The following QSOX2 variants were observed in gnomAD, a reference collection of about 807,000 sequenced individuals.
The protein encoded by QSOX2 is quiescin sulfhydryl oxidase 2, also known as sulfhydryl oxidase 2.
QSOX2 carries 46 observed loss-of-function variants against 61.7 expected under a neutral mutation model. The ratio of observed to expected loss-of-function variants is 0.75; its 90% CI spans 0.59 to 0.95. QSOX2 has a LOEUF of 0.95. Ranked by LOEUF, QSOX2 falls within the 40% of genes least tolerant of loss-of-function variation. The pLI is 0.00. For missense variants in QSOX2, 879 were observed against 918.9 expected (o/e 0.96, Z 0.56); for synonymous variants, 383 against 388.4 (o/e 0.99, Z 0.16).
intron 1 of QSOX2, among the ~76,000 whole-genome samples, chr9:136,232,557 A>G (rs1426232243): frequency 6.6e-6 from 1 of 152,160 alleles, no homozygotes. Context: ...AAAAAGTTAC[A>G]ATGCATCAAA....
intron 11 of QSOX2, chr9:136,210,195 C>T: frequency 2.0e-6 from 2 of 985,498 alleles, no homozygotes; most frequent in Middle Eastern, 5.2e-4. Flanking sequence ...TCATGTAGGA[C>T]TGTCAAATAA....
At position 136,226,749 on chromosome 9, in the gene QSOX2, G is replaced by C. The variant is rs141058024; in HGVS notation, c.429+25C>G. Reference sequence around the variant, plus strand: ...GGTGGGGTAGAAGGTGAATTTCAACGGACAAGCAGCCGCGTGATACTCACC... The same window carrying C: ...GGTGGGGTAGAAGGTGAATTTCAACCGACAAGCAGCCGCGTGATACTCACC... On this transcript the variant is annotated intron_variant, in intron 2 of 11. Transcript: ENST00000358701. The C allele has an allele frequency of 5.1e-6, 8 of 1,577,452 alleles. No homozygotes were observed. The African/African-American group carries it at 9.4e-5, about 19-fold the overall frequency.
rs1245651182 is a variant in QSOX2, at chr9:136,209,873, G to A, written c.1550-598C>T. ...GATCTCCAAAACTCGTTTCTGAAGT[G>A]ACATGTGCTCACTTCCAGGCCCAAC... is the stretch of plus-strand genomic sequence containing the variant. On this transcript the variant is annotated intron_variant, in intron 11 of 11. Coordinates refer to ENST00000358701, the MANE Select transcript of QSOX2 (RefSeq NM_181701.4). This position sits in a 1 kb window ranked among gnomAD's most constrained non-coding sequence, Gnocchi z 5.6. The A allele has an allele frequency of 1.0e-6, 1 of 985,312 alleles. No individual in the cohort carries two copies. Among genetic ancestry groups the A allele is most frequent in the Non-Finnish European group, 1.2e-6 (1 of 829,944 alleles). The allele number at this position is 985,312 out of a possible 1,614,324, so 61.0% of individuals were successfully genotyped here.
At chr9:136,227,291 G>A (rs968326221) in intron 1 of QSOX2, among the ~76,000 whole-genome samples, 3 of 152,142 alleles carry the variant, frequency 2.0e-5, no homozygotes, top group Non-Finnish European at 2.9e-5. Context: ...AAACATTCCC[G>A]TGTTCTCACT....
At chr9:136,230,050 G>A (rs1159931271) in intron 1 of QSOX2, among the ~76,000 whole-genome samples, 1 of 152,182 alleles carries the variant, frequency 6.6e-6, no homozygotes, top group Non-Finnish European at 1.5e-5. Context: ...GGAGGTCAAG[G>A]CAGGCAGATC....
In QSOX2 at chr9:136,223,395, T is replaced by C. The variant is rs1830244462; in HGVS notation, c.675+368A>G. On this transcript the variant is annotated intron_variant, in intron 5 of 11. Coordinates refer to ENST00000358701, the MANE Select transcript of QSOX2 (RefSeq NM_181701.4). This position sits in a 1 kb window ranked among gnomAD's most constrained non-coding sequence, Gnocchi z 4.4. ...TTGGATTTGGCAAAAATGTTGAGAG[T>C]TCAGAATACGGCAACGAAAAAAATC... Among the ~76,000 whole-genome samples, 1 of 151,968 alleles carries C rather than the reference T, an allele frequency of 6.6e-6. No homozygotes were observed.
intron 8 of QSOX2, among the ~76,000 whole-genome samples, chr9:136,217,739 C>T (rs115671670): frequency 0.019 from 2,937 of 152,194 alleles, 103 homozygotes; most frequent in African/African-American, 0.068. Flanking sequence ...ATTAGCTGGC[C>T]GGCGGCCACC....
chr9:136,241,967 G>T (rs1483396589), intron 1 of QSOX2, among the ~76,000 whole-genome samples: 1 of 152,352 alleles, frequency 6.6e-6, no homozygotes, highest in Non-Finnish European at 1.5e-5. Context: ...GCATTTCGGA[G>T]ATCTCACCGG....
chr9:136,245,449 G>A (rs1830464493), intron 1 of QSOX2, 27 bp downstream of exon 1: 2 of 1,567,498 alleles, frequency 1.3e-6, no homozygotes, highest in Non-Finnish European at 1.7e-6. Flanking sequence ...GGGGGTCGGG[G>A]GGTCCCCGCG....
rs976333629 is a variant in QSOX2 at position 136,239,742 on chromosome 9, C to G, written c.328+5734G>C. Among the ~76,000 whole-genome samples the G allele has an allele frequency of 2.0e-5, 3 of 152,218 alleles. No individual in the cohort carries two copies. The East Asian group carries it at 5.8e-4, about 29-fold the overall frequency. On this transcript the variant is annotated intron_variant, in intron 1 of 11. Transcript: ENST00000358701. Reference sequence around the variant, plus strand: ...GAAGGGGCATGCGGGCACCCCACGTCGCCTTTGTCTGTCCTTGAAAGAATG... The same window carrying G: ...GAAGGGGCATGCGGGCACCCCACGTGGCCTTTGTCTGTCCTTGAAAGAATG...
At chr9:136,210,929 C>T (rs904991230) in intron 11 of QSOX2, 18 of 983,654 alleles carry the variant, frequency 1.8e-5, no homozygotes, top group East Asian at 1.1e-4. Context: ...AAATTAATTA[C>T]GTTCCAAGCT....
intron 6 of QSOX2, among the ~76,000 whole-genome samples, chr9:136,220,347 T>G (rs1027761265): frequency 6.6e-6 from 1 of 152,240 alleles, no homozygotes; most frequent in African/African-American, 2.4e-5. Context: ...AGAAAAATAC[T>G]TAAGAAACTG....
chr9:136,219,460 C>A (rs1355121520), intron 6 of QSOX2, among the ~76,000 whole-genome samples: 2 of 152,238 alleles, frequency 1.3e-5, no homozygotes, highest in African/African-American at 4.8e-5. Context: ...CTGGGTTGAG[C>A]ATCTGCCAAG....
intron 6 of QSOX2, among the ~76,000 whole-genome samples, chr9:136,220,188 C>T (rs1469776176): frequency 3.3e-5 from 5 of 152,190 alleles, no homozygotes; most frequent in African/African-American, 4.8e-5. Flanking sequence ...TACTCCACCA[C>T]GCCCGGCTAA....
In QSOX2 at chr9:136,245,769, G is replaced by A. The variant is rs1310618195; in HGVS notation, c.35C>T (p.Pro12Leu). Reference protein sequence around the residue: ...AAAGAAVARSPGIGAGPALRA... With the variant: ...AAAGAAVARSLGIGAGPALRA... ...CAGCGCAGGTCCCGCTCCGATTCCC[G>A]GGCTGCGCGCCACCGCCGCCCCGGC... Residue 12 changes from proline (P) to leucine (L), a missense_variant, in exon 1 of 12, where the codon CCG becomes CTG. By Grantham distance (98) the Pro-to-Leu change is moderately conservative. Coordinates refer to ENST00000358701, the MANE Select transcript of QSOX2 (RefSeq NM_181701.4). The A allele has an allele frequency of 6.1e-6, 7 of 1,153,992 alleles. No homozygotes were observed. Among genetic ancestry groups the A allele is most frequent in the South Asian group, 4.2e-5 (1 of 24,094 alleles). The allele number at this position is 1,153,992 out of a possible 1,614,324, so 71.5% of individuals were successfully genotyped here.
chr9:136,216,513 G>A (rs55791344), intron 9 of QSOX2, 87 bp downstream of exon 9: 456,227 of 1,553,618 alleles, frequency 0.29, 70,869 homozygotes, highest in Non-Finnish European at 0.32. Context: ...CCCGGGCCCC[G>A]AGCAGGGAGA....
chr9:136,244,957 C>T (rs1830458928), intron 1 of QSOX2, among the ~76,000 whole-genome samples: 1 of 152,018 alleles, frequency 6.6e-6, no homozygotes, highest in Admixed American at 6.5e-5. Flanking sequence ...GCGATCCGAA[C>T]CAGAAAGTTA....
At chr9:136,230,930 G>A (rs1385660367) in intron 1 of QSOX2, among the ~76,000 whole-genome samples, 1 of 152,136 alleles carries the variant, frequency 6.6e-6, no homozygotes, top group Non-Finnish European at 1.5e-5. Context: ...ATCTGTTCCT[G>A]GTTGCTTTCC....
chr9:136,224,633 TCTG>T (rs1277841378), intron 3 of QSOX2, among the ~76,000 whole-genome samples: 4 of 152,218 alleles, frequency 2.6e-5, no homozygotes, highest in Non-Finnish European at 5.9e-5. Flanking sequence ...AAAAATTTAC[TCTG>T]AAAAAGTTTT....
Sources: gnomAD v4.1 joint callset for allele counts (sites outside exome capture counted in the v4.1 genomes callset) on GRCh38, gnomAD v4.1.1 for gene constraint, Gnocchi (gnomAD v3.1) non-coding constraint, MANE v1.5 for transcripts, NCBI Gene and HGNC (gene_info 2026-07-23, HGNC 2026-07-21) for gene names.